Variants in UST observed in about 807,000 individuals in gnomAD.
UST encodes uronyl 2-sulfotransferase, also known as chondroitin sulfate 2-O-sulfotransferase.
Under a neutral mutation model 45.6 loss-of-function variants are expected in UST, and 21 were observed. The ratio of observed to expected loss-of-function variants is 0.46; its 90% CI spans 0.33 to 0.66. The LOEUF is 0.66. UST is among the 30% of genes least tolerant of loss of function. The pLI is 0.02. For synonymous variants in UST, 215 were observed against 200.6 expected, an observed-to-expected ratio of 1.07 and a Z score of -0.61; for missense variants, 463 against 512.4, an observed-to-expected ratio of 0.90 and a Z score of 0.93.
chr6:149,062,760 G>A (rs1236772708), intron 7 of UST, among the ~76,000 whole-genome samples: 3 of 152,352 alleles, frequency 2.0e-5, no homozygotes, highest in East Asian at 1.9e-4. Context: ...GGACTGAAAT[G>A]TCCTGGCTGT....
intron 1 of UST, among the ~76,000 whole-genome samples, chr6:148,858,019 A>G (rs1161171282): frequency 6.6e-6 from 1 of 152,222 alleles, no homozygotes; most frequent in Non-Finnish European, 1.5e-5. Context: ...TATAGAATAT[A>G]TTGTGTAATG....
intron 1 of UST, among the ~76,000 whole-genome samples, chr6:148,861,905 G>A (rs1361982375): frequency 1.3e-5 from 2 of 151,468 alleles, no homozygotes; most frequent in Non-Finnish European, 2.9e-5. Context: ...GCTGAGGAGT[G>A]CTTTACTTCC....
chr6:149,060,136 T>C (rs1776632225), intron 7 of UST, among the ~76,000 whole-genome samples: 1 of 152,222 alleles, frequency 6.6e-6, no homozygotes, highest in Non-Finnish European at 1.5e-5. Flanking sequence ...AATCATGAAC[T>C]TTTACTTGGC....
intron 2 of UST, among the ~76,000 whole-genome samples, chr6:148,891,475 T>C (rs1191128910): frequency 6.6e-6 from 1 of 152,240 alleles, no homozygotes; most frequent in African/African-American, 2.4e-5. Context: ...CAAAATTTAA[T>C]CTCTATAAAT....
In UST at chr6:149,035,766, T is replaced by TAA. The variant is rs11404986; in HGVS notation, c.937+14295_937+14296dup. ...GGGTGACAGAGTAAGACCCCATCTT[T>TAA]AAAAAAAAAAAGCGAAGAAAAGCTA... On this transcript the variant is annotated intron_variant, in intron 7 of 7. Coordinates refer to ENST00000367463, the MANE Select transcript of UST (RefSeq NM_005715.3). 8.0e-4 allele frequency among the ~76,000 whole-genome samples: 119 copies of TAA among 148,146 alleles called. 1 individual carries two copies. The highest frequency in any genetic ancestry group is 5.6e-3 in the East Asian group (28 of 5,030).
chr6:148,765,997 G>A (rs1283674855), intron 1 of UST, among the ~76,000 whole-genome samples: 2 of 152,032 alleles, frequency 1.3e-5, no homozygotes, highest in African/African-American at 4.8e-5. Context: ...GTCCTATATG[G>A]CTTTTATTAT....
chr6:148,772,427 CTT>C (rs570406798), intron 1 of UST, among the ~76,000 whole-genome samples: 7 of 142,862 alleles, frequency 4.9e-5, no homozygotes, highest in Non-Finnish European at 4.6e-5. Flanking sequence ...CCCTTCTGAC[CTT>C]TTTTTTTTTT....
intron 5 of UST, among the ~76,000 whole-genome samples, chr6:149,016,539 G>A (rs1775901628): frequency 6.6e-6 from 1 of 152,120 alleles, no homozygotes; most frequent in Admixed American, 6.5e-5. Flanking sequence ...TCCAGGCAGG[G>A]TGCTGAGCAC....
At chr6:148,820,113 G>T (rs1324682937) in intron 1 of UST, among the ~76,000 whole-genome samples, 2 of 152,192 alleles carry the variant, frequency 1.3e-5, no homozygotes, top group Non-Finnish European at 2.9e-5. Flanking sequence ...AGCCTGGCAT[G>T]CAGTAGGTGC....
At chr6:148,808,589 C>T (rs1777194797) in intron 1 of UST, among the ~76,000 whole-genome samples, 2 of 151,908 alleles carry the variant, frequency 1.3e-5, no homozygotes, top group Admixed American at 6.5e-5. Flanking sequence ...TCTGTCCCTC[C>T]CCAGCAGGAG....
At chr6:148,873,981 C>T (rs900061119) in intron 1 of UST, among the ~76,000 whole-genome samples, 2 of 152,258 alleles carry the variant, frequency 1.3e-5, no homozygotes, top group Non-Finnish European at 2.9e-5. Flanking sequence ...GTGGCAGCCA[C>T]ATGACATCTA....
intron 1 of UST, among the ~76,000 whole-genome samples, chr6:148,872,667 A>C (rs1452335981): frequency 1.3e-5 from 2 of 152,220 alleles, no homozygotes; most frequent in Non-Finnish European, 2.9e-5. Context: ...ACTGGGTTTT[A>C]ATGGGCTCAA....
At chr6:148,877,632 T>G (rs1778706318) in intron 1 of UST, among the ~76,000 whole-genome samples, 2 of 114,814 alleles carry the variant, frequency 1.7e-5, no homozygotes, top group African/African-American at 3.4e-5. Context: ...TGAGGGGTCG[T>G]GTATGAGTGT....
intron 1 of UST, among the ~76,000 whole-genome samples, chr6:148,771,896 T>A (rs916161956): frequency 1.3e-5 from 2 of 152,210 alleles, no homozygotes; most frequent in East Asian, 3.9e-4. Context: ...AGGTGCACAC[T>A]AGCTCATTGG....
intron 2 of UST, among the ~76,000 whole-genome samples, chr6:148,928,979 A>T (rs777097796): frequency 7.2e-5 from 11 of 152,230 alleles, no homozygotes; most frequent in Non-Finnish European, 1.6e-4. Flanking sequence ...TGCCTAGGGC[A>T]GGGAGCAGCT....
intron 5 of UST, among the ~76,000 whole-genome samples, chr6:149,004,595 A>G (rs972579011): frequency 6.6e-6 from 1 of 152,242 alleles, no homozygotes; most frequent in Non-Finnish European, 1.5e-5. Flanking sequence ...ATTCACAAGC[A>G]AGACTCTATT....
intron 5 of UST, among the ~76,000 whole-genome samples, chr6:149,002,718 G>C (rs1781574662): frequency 1.3e-5 from 2 of 152,136 alleles, no homozygotes; most frequent in African/African-American, 4.8e-5. Context: ...TATTAGTCAG[G>C]CTGGTCTCGA....
At chr6:148,912,673 G>A (rs1463647455) in intron 2 of UST, among the ~76,000 whole-genome samples, 3 of 152,240 alleles carry the variant, frequency 2.0e-5, no homozygotes, top group African/African-American at 2.4e-5. Flanking sequence ...AAGCTAAGGA[G>A]TTGTCAGGTG....
rs1222934549 is a variant in UST, at chr6:148,848,681, A to G, written c.248-38305A>G. On this transcript the variant is annotated intron_variant, in intron 1 of 7. Transcript: ENST00000367463. Reference sequence around the variant, plus strand: ...TGAGACTCCATCTCAAAAAAAAAAAAAAAATGATTACACTATTCTAATAGG... The same window carrying G: ...TGAGACTCCATCTCAAAAAAAAAAAGAAAATGATTACACTATTCTAATAGG... Among the ~76,000 whole-genome samples, 5 of 151,990 alleles carry G rather than the reference A, an allele frequency of 3.3e-5. 1 individual carries two copies. The East Asian group carries it at 9.6e-4, about 29-fold the overall frequency.
Sources: allele counts gnomAD v4.1 joint callset (sites outside exome capture counted in the v4.1 genomes callset), GRCh38; gene constraint gnomAD v4.1.1; transcripts MANE v1.5; gene names NCBI Gene and HGNC (gene_info 2026-07-23, HGNC 2026-07-21).